B3GALT6: variants seen among roughly 807,000 people sequenced by gnomAD.
The protein encoded by B3GALT6 is beta-1,3-galactosyltransferase 6, also known as GAG GalTII.
B3GALT6 carries 27 observed loss-of-function variants against 23.3 expected under a neutral mutation model. That is an observed-to-expected ratio of 1.16 (90% CI 0.85 to 1.60). The LOEUF is 1.60. Ranked by LOEUF, B3GALT6 falls within the 40% of genes most tolerant of loss-of-function variation. The pLI is 0.00. For missense variants in B3GALT6, 554 were observed against 471.1 expected (o/e 1.18, Z -1.63); for synonymous variants, 313 against 232.3 (o/e 1.35, Z -3.16).
rs1275399283 is a variant in B3GALT6, at chr1:1,232,357, C to T, written c.79C>T (p.Leu27Phe). The T allele has an allele frequency of 7.7e-5, 76 of 985,628 alleles. No individual in the cohort carries two copies. Among genetic ancestry groups the T allele is most frequent in the Non-Finnish European group, 9.0e-5 (75 of 831,588 alleles). The allele number at this position is 985,628 out of a possible 1,614,324, so 61.1% of individuals were successfully genotyped here. The change falls in exon 1 of 1, where the codon CTC becomes TTC. Residue 27 changes from leucine (L) to phenylalanine (F), a missense_variant. Coordinates refer to ENST00000379198, the MANE Select transcript of B3GALT6 (RefSeq NM_080605.4). Reference protein sequence around the residue: ...GTLALCGAALLYLARCAAEPG... With the variant: ...GTLALCGAALFYLARCAAEPG... ...GCTGGCGCTGTGCGGGGCGGCGCTG[C>T]TCTACCTGGCGCGCTGCGCGGCCGA...
chr1:1,232,817 G>T lies in B3GALT6; in HGVS notation c.539G>T (p.Arg180Leu). The T allele has an allele frequency of 7.3e-7, 1 of 1,373,542 alleles. No homozygotes were observed. The highest frequency in any genetic ancestry group is 1.7e-5 in the South Asian group (1 of 59,608). 85.1% of individuals were successfully genotyped at this position (1,373,542 alleles called of 1,614,324 possible). ...LRAREPARRR[R>L]LYWGFFSGRG... ...GCCCGCGAGCCCGCGCGCCGCCGCC[G>T]CCTCTACTGGGGCTTCTTCTCGGGC... Residue 180 changes from arginine to leucine, a missense_variant, in exon 1 of 1, where the codon CGC becomes CTC. Physicochemically the swap from Arg to Leu is moderately radical, Grantham distance 102 (BLOSUM62 -2). Transcript: ENST00000379198.
chr1:1,233,181 G>T lies in B3GALT6; in HGVS notation c.903G>T (p.Lys301Asn). 1 of 1,543,850 alleles carries T rather than the reference G, an allele frequency of 6.5e-7. No individual in the cohort carries two copies. Among genetic ancestry groups the T allele is most frequent in the East Asian group, 2.4e-5 (1 of 41,410 alleles). The change falls in exon 1 of 1, where the codon AAG (lysine) becomes AAT (asparagine). Residue 301 changes from lysine (K) to asparagine (N), a missense_variant. Physicochemically the swap from Lys to Asn is moderately conservative, Grantham distance 94. Transcript: ENST00000379198. ...ATLAREGRLC[K>N]REVQLRLSYV... Reference sequence around the variant, plus strand: ...TGGCGCGCGAGGGCCGCCTGTGCAAGCGCGAGGTGCAGCTGCGCCTGTCCT... The same window carrying T: ...TGGCGCGCGAGGGCCGCCTGTGCAATCGCGAGGTGCAGCTGCGCCTGTCCT...
Position 1,235,027 on chromosome 1 carries a change from T to G in B3GALT6, c.*1759T>G, listed in dbSNP as rs574225209. The G allele has an allele frequency of 6.0e-6, 1 of 166,820 alleles. No homozygotes were observed. The highest frequency in any genetic ancestry group is 1.5e-5 in the Non-Finnish European group (1 of 68,120). 10.3% of individuals were successfully genotyped at this position (166,820 alleles called of 1,614,324 possible). On this transcript the variant is annotated 3_prime_UTR_variant, in exon 1 of 1. Transcript: ENST00000379198. ...GTTTTTCAGCCTAAGACATTAAATT[T>G]CATATCAGAACAAAGCCTGCCCCAG...
Position 1,233,041 on chromosome 1 carries a change from C to G in B3GALT6, c.763C>G (p.Gln255Glu). 6.4e-7 allele frequency: 1 copy of G among 1,550,468 alleles called. No homozygotes were observed. The highest frequency in any genetic ancestry group is 8.7e-7 in the Non-Finnish European group (1 of 1,153,178). The change falls in exon 1 of 1, where the codon CAG (glutamine) becomes GAG (glutamate). Residue 255 changes from glutamine (Q) to glutamate (E), a missense_variant. Coordinates refer to ENST00000379198, the MANE Select transcript of B3GALT6 (RefSeq NM_080605.4). ...LGAWLAPVDV[Q>E]REHDPRFDTE... ...CGCCTGGCTGGCGCCGGTGGACGTC[C>G]AGCGGGAGCACGACCCGCGCTTCGA...
Position 1,232,791 on chromosome 1 carries a change from CGCCCGCGA to C in B3GALT6, c.521_528del (p.Glu174AlafsTer266). ...TGGACGCGCTGCTGGCCGAGCTGCG[CGCCCGCGA>C]GCCCGCGCGCCGCCGCCGCCTCTAC... On this transcript the variant is annotated frameshift_variant, in exon 1 of 1. Transcript: ENST00000379198. LOFTEE classifies it high-confidence loss of function. 1.5e-6 allele frequency: 2 copies of C among 1,366,134 alleles called. No homozygotes were observed. Among genetic ancestry groups the C allele is most frequent in the South Asian group, 1.8e-5 (1 of 56,402 alleles). 84.6% of individuals were successfully genotyped at this position (1,366,134 alleles called of 1,614,324 possible). A position where few individuals can be genotyped will look rare whatever the true frequency, so the allele number is the denominator to read the frequency against.
Position 1,233,313 on chromosome 1 carries a change from C to T in B3GALT6, c.*45C>T. The T allele has an allele frequency of 7.1e-7, 1 of 1,399,714 alleles. No homozygotes were observed. The highest frequency in any genetic ancestry group is 9.2e-7 in the Non-Finnish European group (1 of 1,084,754). 86.7% of individuals were successfully genotyped at this position (1,399,714 alleles called of 1,614,324 possible). On this transcript the variant is annotated 3_prime_UTR_variant, in exon 1 of 1. Transcript: ENST00000379198. ...CCGGGACACCTGCTTCACCCGGCGG[C>T]GCCTTGGGGCAGGTGCCGAGCGGGC...
At position 1,232,437 on chromosome 1, in the gene B3GALT6, G is replaced by A. The variant is rs1002911404; in HGVS notation, c.159G>A (p.Ala53=). The A allele has an allele frequency of 7.0e-6, 7 of 994,674 alleles. No homozygotes were observed. Among genetic ancestry groups the A allele is most frequent in the Non-Finnish European group, 8.4e-6 (7 of 837,798 alleles). The allele number at this position is 994,674 out of a possible 1,614,324, so 61.6% of individuals were successfully genotyped here. ...SGRSPPPPAP[A]RAAAFLAVLV... Reference sequence around the variant, plus strand: ...GCAGCCCGCCTCCCCCCGCGCCCGCGCGCGCCGCCGCCTTCCTGGCAGTGC... The same window carrying A: ...GCAGCCCGCCTCCCCCCGCGCCCGCACGCGCCGCCGCCTTCCTGGCAGTGC... Residue 53 remains alanine, a synonymous_variant, in exon 1 of 1, where the codon GCG becomes GCA. Coordinates refer to ENST00000379198, the MANE Select transcript of B3GALT6 (RefSeq NM_080605.4).
At position 1,232,972 on chromosome 1, in the gene B3GALT6, CGCGACTACCTGCGCGCCTGGCACA is replaced by C; in HGVS notation, c.699_722del (p.Asp233_Ser240del). 1 of 1,563,436 alleles carries C rather than the reference CGCGACTACCTGCGCGCCTGGCACA, an allele frequency of 6.4e-7. No individual in the cohort carries two copies. On this transcript the variant is annotated inframe_deletion, in exon 1 of 1. Coordinates refer to ENST00000379198, the MANE Select transcript of B3GALT6 (RefSeq NM_080605.4). ...CCTGGTGCACTACCTGCGCCTCAGC[CGCGACTACCTGCGCGCCTGGCACA>C]GCGAGGACGTGTCTCTGGGCGCCTG...
In B3GALT6 at chr1:1,234,130, G is replaced by A. The variant is rs549335236; in HGVS notation, c.*862G>A. ...GTTTAATGAGAAAAGCGAACACTGC[G>A]GTCCTTGCCAAAGTAAAATGAAGCT... On this transcript the variant is annotated 3_prime_UTR_variant, in exon 1 of 1. Coordinates refer to ENST00000379198, the MANE Select transcript of B3GALT6 (RefSeq NM_080605.4). 1 of 166,826 alleles carries A rather than the reference G, an allele frequency of 6.0e-6. No homozygotes were observed. The highest frequency in any genetic ancestry group is 2.4e-5 in the African/African-American group (1 of 41,414). 10.3% of individuals were successfully genotyped at this position (166,826 alleles called of 1,614,324 possible).
In B3GALT6 at chr1:1,234,748, G is replaced by C. The variant is rs913335625; in HGVS notation, c.*1480G>C. On this transcript the variant is annotated 3_prime_UTR_variant, in exon 1 of 1. Coordinates refer to ENST00000379198, the MANE Select transcript of B3GALT6 (RefSeq NM_080605.4). Reference sequence around the variant, plus strand: ...TTTTACCTGGGATGTCTTCTCTGGAGTTTGGAATTGCTTGAGGAACCCTGC... The same window carrying C: ...TTTTACCTGGGATGTCTTCTCTGGACTTTGGAATTGCTTGAGGAACCCTGC... 6.0e-6 allele frequency: 1 copy of C among 166,954 alleles called. No individual in the cohort carries two copies. Among genetic ancestry groups the C allele is most frequent in the Admixed American group, 6.5e-5 (1 of 15,286 alleles). The allele number at this position is 166,954 out of a possible 1,614,324, so 10.3% of individuals were successfully genotyped here.
Position 1,232,476 on chromosome 1 carries a change from G to A in B3GALT6, c.198G>A (p.Ala66=). Residue 66 remains alanine, a synonymous_variant, in exon 1 of 1, where the codon GCG becomes GCA. Coordinates refer to ENST00000379198, the MANE Select transcript of B3GALT6 (RefSeq NM_080605.4). ...AAFLAVLVAS[A]PRAAERRSVI... ...TCCTGGCAGTGCTGGTGGCCAGCGCGCCCCGCGCCGCCGAGCGCCGCAGCG... is the reference window on the plus strand; with the variant it reads ...TCCTGGCAGTGCTGGTGGCCAGCGCACCCCGCGCCGCCGAGCGCCGCAGCG... 9.8e-7 allele frequency: 1 copy of A among 1,018,648 alleles called. No individual in the cohort carries two copies. The highest frequency in any genetic ancestry group is 1.2e-6 in the Non-Finnish European group (1 of 853,976). 63.1% of individuals were successfully genotyped at this position (1,018,648 alleles called of 1,614,324 possible).
chr1:1,234,297 G>A lies in B3GALT6; in HGVS notation c.*1029G>A, dbSNP rs1186951772. 2 of 166,970 alleles carry A rather than the reference G, an allele frequency of 1.2e-5. No homozygotes were observed. The highest frequency in any genetic ancestry group is 2.4e-5 in the African/African-American group (1 of 41,416). 10.3% of individuals were successfully genotyped at this position (166,970 alleles called of 1,614,324 possible). The stretch of plus-strand genomic sequence containing the variant: ...TCTGGGGTCTAGTCTCGAGCATCAG[G>A]GTCAGGCTCGGGGCAGGGCTGGGTT... On this transcript the variant is annotated 3_prime_UTR_variant, in exon 1 of 1. Coordinates refer to ENST00000379198, the MANE Select transcript of B3GALT6 (RefSeq NM_080605.4).
chr1:1,232,426 C>A lies in B3GALT6; in HGVS notation c.148C>A (p.Pro50Thr), dbSNP rs1249919137. 36 of 992,020 alleles carry A rather than the reference C, an allele frequency of 3.6e-5. No homozygotes were observed. Among genetic ancestry groups the A allele is most frequent in the Non-Finnish European group, 4.3e-5 (36 of 836,120 alleles). 61.5% of individuals were successfully genotyped at this position (992,020 alleles called of 1,614,324 possible). A position where few individuals can be genotyped will look rare whatever the true frequency, so the allele number is the denominator to read the frequency against. Residue 50 changes from proline (P) to threonine (T), a missense_variant, in exon 1 of 1, where the codon CCC becomes ACC. Transcript: ENST00000379198. ...GATGTCGGGCCGCAGCCCGCCTCCC[C>A]CCGCGCCCGCGCGCGCCGCCGCCTT... is the stretch of plus-strand genomic sequence containing the variant. ...RAMSGRSPPP[P>T]APARAAAFLA... is the part of the protein sequence containing the mutation.
Position 1,232,691 on chromosome 1 carries a change from C to G in B3GALT6, c.413C>G (p.Ala138Gly), listed in dbSNP as rs769606866. 3 of 1,401,582 alleles carry G rather than the reference C, an allele frequency of 2.1e-6. No individual in the cohort carries two copies. The South Asian group carries it at 4.6e-5, about 21-fold the overall frequency. The allele number at this position is 1,401,582 out of a possible 1,614,324, so 86.8% of individuals were successfully genotyped here. The change falls in exon 1 of 1, where the codon GCC (alanine) becomes GGC (glycine). Residue 138 changes from alanine (A) to glycine (G), a missense_variant. Ala to Gly is a moderately conservative substitution (Grantham distance 60). Transcript: ENST00000379198. The stretch of plus-strand genomic sequence containing the variant: ...GAAAACCTCACGGCCAAGGTGCTGG[C>G]CATGCTGGCCTGGCTGGACGAGCAC... ...AYENLTAKVL[A>G]MLAWLDEHVA...
Position 1,232,626 on chromosome 1 carries a change from C to G in B3GALT6, c.348C>G (p.His116Gln), listed in dbSNP as rs1484237636. Residue 116 changes from histidine (H) to glutamine (Q), a missense_variant, in exon 1 of 1, where the codon CAC becomes CAG. Transcript: ENST00000379198. Reference protein sequence around the residue: ...RRALEREQARHGDLLLLPALR... With the variant: ...RRALEREQARQGDLLLLPALR... ...CCCTGGAGCGGGAGCAGGCGCGGCACGGGGACCTGCTGCTGCTGCCCGCGC... is the reference window on the plus strand; with the variant it reads ...CCCTGGAGCGGGAGCAGGCGCGGCAGGGGGACCTGCTGCTGCTGCCCGCGC... 5 of 1,261,032 alleles carry G rather than the reference C, an allele frequency of 4.0e-6. No individual in the cohort carries two copies. In the Admixed American group the frequency reaches 1.0e-4, roughly 26 times the overall value. 78.1% of individuals were successfully genotyped at this position (1,261,032 alleles called of 1,614,324 possible).
rs2100994984 is a variant in B3GALT6, at chr1:1,233,265, C to A, written c.987C>A (p.Pro329=). The A allele has an allele frequency of 6.9e-7, 1 of 1,456,592 alleles. No homozygotes were observed. Among genetic ancestry groups the A allele is most frequent in the East Asian group, 2.7e-5 (1 of 37,142 alleles). The allele number at this position is 1,456,592 out of a possible 1,614,324, so 90.2% of individuals were successfully genotyped here. A position where few individuals can be genotyped will look rare whatever the true frequency, so the allele number is the denominator to read the frequency against. The change falls in exon 1 of 1, where the codon CCC becomes CCA. Residue 329 remains proline (P), a synonymous_variant. Transcript: ENST00000379198. The stretch of plus-strand genomic sequence containing the variant: ...GCTGCCAGAGAAGGGAGGGCATCCC[C>A]TGAGCCGCCGCGGCCCGGCCCTCCG... ...SQCCQRREGI[P]
Position 1,232,772 on chromosome 1 carries a change from C to G in B3GALT6, c.494C>G (p.Ala165Gly). The G allele has an allele frequency of 7.2e-7, 1 of 1,390,922 alleles. No individual in the cohort carries two copies. The highest frequency in any genetic ancestry group is 9.3e-7 in the Non-Finnish European group (1 of 1,074,716). The allele number at this position is 1,390,922 out of a possible 1,614,324, so 86.2% of individuals were successfully genotyped here. A position where few individuals can be genotyped will look rare whatever the true frequency, so the allele number is the denominator to read the frequency against. The change falls in exon 1 of 1, where the codon GCG (alanine) becomes GGG (glycine). Residue 165 changes from alanine to glycine, a missense_variant. By Grantham distance (60) the Ala-to-Gly change is moderately conservative. Coordinates refer to ENST00000379198, the MANE Select transcript of B3GALT6 (RefSeq NM_080605.4). ...ADDDSFARLD[A>G]LLAELRAREP... ...GACGACTCCTTCGCGCGGCTGGACG[C>G]GCTGCTGGCCGAGCTGCGCGCCCGC... is the stretch of plus-strand genomic sequence containing the variant.
Position 1,234,067 on chromosome 1 carries a change from GTC to G in B3GALT6, c.*804_*805del, listed in dbSNP as rs1470318467. ...AACAGGACCAGCCGGCACCAGGCCC[GTC>G]TCTCACGTACTTTAACACATCCTTG... On this transcript the variant is annotated 3_prime_UTR_variant, in exon 1 of 1. Transcript: ENST00000379198. 2.9e-4 allele frequency: 49 copies of G among 166,996 alleles called. No individual in the cohort carries two copies. Among genetic ancestry groups the G allele is most frequent in the Non-Finnish European group, 7.3e-5 (5 of 68,126 alleles). 10.3% of individuals were successfully genotyped at this position (166,996 alleles called of 1,614,324 possible).
chr1:1,232,821 C>T lies in B3GALT6; in HGVS notation c.543C>T (p.Leu181=), dbSNP rs1228526691. The change falls in exon 1 of 1, where the codon CTC becomes CTT. Residue 181 remains leucine (L), a synonymous_variant. Transcript: ENST00000379198. ...RAREPARRRR[L]YWGFFSGRGR... is the part of the protein sequence containing the mutation. ...GCGAGCCCGCGCGCCGCCGCCGCCT[C>T]TACTGGGGCTTCTTCTCGGGCCGCG... 4 of 1,431,036 alleles carry T rather than the reference C, an allele frequency of 2.8e-6. No homozygotes were observed. The highest frequency in any genetic ancestry group is 2.7e-6 in the Non-Finnish European group (3 of 1,106,854). 88.6% of individuals were successfully genotyped at this position (1,431,036 alleles called of 1,614,324 possible).
Sources: allele counts gnomAD v4.1 joint callset, GRCh38; gene constraint gnomAD v4.1.1; transcripts MANE v1.5; gene names NCBI Gene and HGNC (gene_info 2026-07-23, HGNC 2026-07-21).